The following HDX variants were observed in gnomAD, a reference collection of about 807,000 sequenced individuals.
The protein encoded by HDX is chromosome X open reading frame 43.
Under a neutral mutation model 45.2 loss-of-function variants are expected in HDX, and 19 were observed. The ratio of observed to expected loss-of-function variants is 0.42; its 90% CI spans 0.29 to 0.62. HDX has a LOEUF of 0.62. HDX is among the 20% of genes least tolerant of loss of function. The pLI is 0.20. For missense variants in HDX, 532 were observed against 493.9 expected (o/e 1.08, Z -0.73); for synonymous variants, 188 against 172.8 (o/e 1.09, Z -0.69).
At position 84,468,961 on chromosome X, in the gene HDX, G is replaced by A. The variant is rs770885528; in HGVS notation, c.762C>T (p.Tyr254=). The change falls in exon 4 of 11, where the codon TAC becomes TAT. Residue 254 remains tyrosine, a synonymous_variant. Transcript: ENST00000373177. The part of the protein sequence containing the change: ...CGQKPTIRDP[Y]CRTQNLEIRE... ...GGATTTCCAAGTTTTGTGTTCTACA[G>A]TAAGGGTCTCTAATAGTTGGCTTTT... The A allele has an allele frequency of 2.0e-5, 24 of 1,210,166 alleles. No homozygotes were observed. Among genetic ancestry groups the A allele is most frequent in the Non-Finnish European group, 5.6e-6 (5 of 895,335 alleles).
intron 5 of HDX, among the ~76,000 whole-genome samples, chrX:84,417,374 A>G (rs2039138840): frequency 8.9e-6 from 1 of 112,080 alleles, no homozygotes; most frequent in African/African-American, 3.2e-5. Flanking sequence ...GATGAACACA[A>G]AACTGAGATC....
At chrX:84,408,450 T>C (rs1310273779) in intron 5 of HDX, among the ~76,000 whole-genome samples, 2 of 108,418 alleles carry the variant, frequency 1.8e-5, no homozygotes, top group African/African-American at 6.7e-5. Context: ...TTGGTAACTA[T>C]AGCCTGGTAG....
chrX:84,341,210 T>C (rs1269647251), intron 7 of HDX, among the ~76,000 whole-genome samples: 1 of 110,680 alleles, frequency 9.0e-6, no homozygotes, highest in African/African-American at 3.3e-5. Context: ...AAAACACCAG[T>C]CATGAGTCAC....
chrX:84,496,927 C>T (rs2041012341), intron 1 of HDX, among the ~76,000 whole-genome samples: 1 of 111,413 alleles, frequency 9.0e-6, no homozygotes, highest in Non-Finnish European at 1.9e-5. Context: ...CAAGTCTTAT[C>T]TGGAATTGTA....
At chrX:84,437,894 G>A (rs909598552) in intron 5 of HDX, among the ~76,000 whole-genome samples, 8 of 110,932 alleles carry the variant, frequency 7.2e-5, no homozygotes, top group African/African-American at 2.3e-4. Flanking sequence ...TTACTGCCTG[G>A]TGTCTTCTGA....
chrX:84,365,415 C>G (rs2037725900), intron 5 of HDX, among the ~76,000 whole-genome samples: 1 of 111,111 alleles, frequency 9.0e-6, no homozygotes, highest in East Asian at 2.8e-4. Flanking sequence ...TACTCACAGG[C>G]TGAGGACATT....
At chrX:84,485,884 G>C (rs1351909001) in intron 2 of HDX, among the ~76,000 whole-genome samples, 3 of 111,880 alleles carry the variant, frequency 2.7e-5, no homozygotes, top group Non-Finnish European at 5.6e-5. Context: ...GCTTTGTTTT[G>C]ATTGCTGTAC....
chrX:84,417,681 T>G (rs1168388658), intron 5 of HDX, among the ~76,000 whole-genome samples: 1 of 111,937 alleles, frequency 8.9e-6, no homozygotes, highest in Non-Finnish European at 1.9e-5. Context: ...GGTGCAGAAC[T>G]GAGGTCTGTT....
At chrX:84,351,841 A>G (rs149768255) in intron 6 of HDX, among the ~76,000 whole-genome samples, 1 of 111,626 alleles carries the variant, frequency 9.0e-6, no homozygotes, top group African/African-American at 3.3e-5. Flanking sequence ...AATAGGGAAA[A>G]TTATGTCCAC....
chrX:84,408,499 G>GT (rs1220751208), intron 5 of HDX, among the ~76,000 whole-genome samples: 2,177 of 44,301 alleles, frequency 0.049, 140 homozygotes, highest in African/African-American at 0.11. Context: ...CTCCAGCTTT[G>GT]TTTTTTTTTT....
chrX:84,409,718 T>C (rs1416236206), intron 5 of HDX, among the ~76,000 whole-genome samples: 1 of 61,687 alleles, frequency 1.6e-5, no homozygotes, highest in Non-Finnish European at 2.8e-5. Flanking sequence ...TACCAGGCAC[T>C]GTTGTGGGGT....
intron 10 of HDX, among the ~76,000 whole-genome samples, chrX:84,322,542 T>A (rs1160917409): frequency 3.6e-5 from 4 of 110,825 alleles, no homozygotes; most frequent in African/African-American, 9.8e-5. Context: ...AGTAATTTTA[T>A]TTTTTCTTTC....
intron 5 of HDX, among the ~76,000 whole-genome samples, chrX:84,396,381 G>T (rs924753428): frequency 1.8e-5 from 2 of 112,144 alleles, no homozygotes; most frequent in Non-Finnish European, 3.8e-5. Flanking sequence ...TATTACTGGA[G>T]GCTGTAGTGA....
intron 5 of HDX, among the ~76,000 whole-genome samples, chrX:84,370,708 A>G (rs1213972394): frequency 8.9e-6 from 1 of 112,348 alleles, no homozygotes; most frequent in Non-Finnish European, 1.9e-5. Flanking sequence ...AGTGTCAATC[A>G]CAATGCTCTG....
intron 2 of HDX, among the ~76,000 whole-genome samples, chrX:84,479,647 G>T (rs1160592662): frequency 8.9e-6 from 1 of 111,797 alleles, no homozygotes; most frequent in Non-Finnish European, 1.9e-5. Flanking sequence ...AAAATTGGCT[G>T]TACAAATTCG....
intron 1 of HDX, among the ~76,000 whole-genome samples, chrX:84,498,850 C>G (rs988196671): frequency 9.3e-6 from 1 of 107,704 alleles, no homozygotes; most frequent in African/African-American, 3.4e-5. Flanking sequence ...CACACACACA[C>G]ACACACACAC....
chrX:84,488,520 G>A (rs947986298), intron 1 of HDX, among the ~76,000 whole-genome samples: 2 of 110,397 alleles, frequency 1.8e-5, no homozygotes, highest in Non-Finnish European at 3.8e-5. Context: ...TAATTTTCTT[G>A]GCCACAAAAA....
In HDX at chrX:84,447,668, T is replaced by C. The variant is rs182843860; in HGVS notation, c.1252-7083A>G. Among the ~76,000 whole-genome samples the C allele has an allele frequency of 8.5e-3, 943 of 111,197 alleles. 10 individuals carry two copies. Among genetic ancestry groups the C allele is most frequent in the African/African-American group, 0.03 (904 of 30,541 alleles). On this transcript the variant is annotated intron_variant, in intron 4 of 10. Coordinates refer to ENST00000373177, the MANE Select transcript of HDX (RefSeq NM_001177479.2). ...GTCCCTACCGGATTGCTTCCTGCCC[T>C]GCCTCTCCAACAGCTCCTGCATCTC... is the stretch of plus-strand genomic sequence containing the variant.
At chrX:84,422,322 A>G (rs1378403703) in intron 5 of HDX, among the ~76,000 whole-genome samples, 1 of 111,971 alleles carries the variant, frequency 8.9e-6, no homozygotes, top group Non-Finnish European at 1.9e-5. Flanking sequence ...ATTCCTTGCA[A>G]CAAATGAGAA....
Sources: allele counts gnomAD v4.1 joint callset (sites outside exome capture counted in the v4.1 genomes callset), GRCh38; gene constraint gnomAD v4.1.1; transcripts MANE v1.5; gene names NCBI Gene and HGNC (gene_info 2026-07-23, HGNC 2026-07-21).